NSUN6: variants seen among roughly 807,000 people sequenced by gnomAD.
NSUN6 encodes the protein tRNA (cytosine(72)-C(5))-methyltransferase NSUN6.
Under a neutral mutation model 58.0 loss-of-function variants are expected in NSUN6, and 64 were observed. The ratio of observed to expected loss-of-function variants is 1.10; its 90% CI spans 0.90 to 1.36. The LOEUF is 1.36. Among genes scored for constraint, NSUN6 ranks in the 40% most tolerant of loss-of-function variants. The pLI, the probability that NSUN6 is intolerant of heterozygous loss-of-function variation, is 0.00. For synonymous variants in NSUN6, 231 were observed against 193.9 expected, an observed-to-expected ratio of 1.19 and a Z score of -1.59; for missense variants, 701 against 550.1, an observed-to-expected ratio of 1.27 and a Z score of -2.74.
chr10:18,635,175 CAT>C (rs1355291654), intron 3 of NSUN6, among the ~76,000 whole-genome samples: 1 of 152,186 alleles, frequency 6.6e-6, no homozygotes, highest in East Asian at 1.9e-4. Context: ...AACTATTTTA[CAT>C]GTCACAATTA....
chr10:18,644,316 C>A (rs1047196757), intron 2 of NSUN6, among the ~76,000 whole-genome samples: 3 of 152,086 alleles, frequency 2.0e-5, no homozygotes, highest in Admixed American at 1.3e-4. Flanking sequence ...TGACATGATG[C>A]CAGAAGTAGA....
chr10:18,639,719 G>A (rs2059335182), intron 3 of NSUN6, among the ~76,000 whole-genome samples: 1 of 152,108 alleles, frequency 6.6e-6, no homozygotes, highest in South Asian at 2.1e-4. Flanking sequence ...GGATGATTAA[G>A]GCCATGTAAA....
At chr10:18,588,316 G>A (rs1564765727) in intron 7 of NSUN6, among the ~76,000 whole-genome samples, 3 of 152,228 alleles carry the variant, frequency 2.0e-5, no homozygotes, top group Non-Finnish European at 4.4e-5. Flanking sequence ...GCACCTGGGG[G>A]GAGGGGTGGC....
chr10:18,605,475 A>G (rs1463626256), intron 6 of NSUN6, among the ~76,000 whole-genome samples: 1 of 152,224 alleles, frequency 6.6e-6, no homozygotes, highest in Non-Finnish European at 1.5e-5. Flanking sequence ...CAACTAGCTC[A>G]GGCAAAAATC....
intron 8 of NSUN6, among the ~76,000 whole-genome samples, chr10:18,579,823 A>C (rs2056827015): frequency 6.6e-6 from 1 of 152,158 alleles, no homozygotes. Flanking sequence ...AGTCTGCCTC[A>C]ATAAATCTGC....
At chr10:18,566,471 CTCCATTCCATTCCAT>C (rs775276238) in intron 8 of NSUN6, among the ~76,000 whole-genome samples, 1 of 142,210 alleles carries the variant, frequency 7.0e-6, no homozygotes, top group Non-Finnish European at 1.5e-5. Context: ...CCATTCCATT[CTCCATTCCATTCCAT>C]TCTCCATTCC....
intron 3 of NSUN6, among the ~76,000 whole-genome samples, chr10:18,624,089 GA>G (rs2058703082): frequency 6.6e-6 from 1 of 151,584 alleles, no homozygotes; most frequent in South Asian, 2.1e-4. Flanking sequence ...CAAACAAAAG[GA>G]AAAATAATTC....
intron 4 of NSUN6, among the ~76,000 whole-genome samples, chr10:18,615,754 G>T (rs964979897): frequency 6.6e-6 from 1 of 152,146 alleles, no homozygotes; most frequent in Non-Finnish European, 1.5e-5. Flanking sequence ...AACTTACTAA[G>T]CATATGCAAC....
At chr10:18,584,292 C>A (rs954334934) in intron 8 of NSUN6, among the ~76,000 whole-genome samples, 10 of 152,204 alleles carry the variant, frequency 6.6e-5, no homozygotes, top group Non-Finnish European at 1.3e-4. Flanking sequence ...TCGTTCACTT[C>A]CCCCCTTACC....
In NSUN6 at chr10:18,586,085, A is replaced by G. The variant is rs2131115393; in HGVS notation, c.786T>C (p.Val262=). 3 of 1,576,604 alleles carry G rather than the reference A, an allele frequency of 1.9e-6. No homozygotes were observed. The highest frequency in any genetic ancestry group is 2.6e-6 in the Non-Finnish European group (3 of 1,166,704). ...IAALMHDQGE[V]IALDKIFNKV... ...TGTTGAAGATTTTATCCAGTGCTAT[A>G]ACTTCTCCCTAAAAAGAAACAAAAC... The change falls in exon 8 of 11, where the codon GTT becomes GTC. Residue 262 remains valine, a synonymous_variant. Transcript: ENST00000377304.
chr10:18,562,804 T>A (rs12261349), intron 8 of NSUN6, among the ~76,000 whole-genome samples: 3,872 of 23,134 alleles, frequency 0.17, 89 homozygotes, highest in Middle Eastern at 0.29. Flanking sequence ...GAGTGGAGAA[T>A]GGAATGAAAG....
At chr10:18,635,690 T>G (rs1222206147) in intron 3 of NSUN6, among the ~76,000 whole-genome samples, 3 of 151,244 alleles carry the variant, frequency 2.0e-5, no homozygotes, top group Non-Finnish European at 4.4e-5. Context: ...ATACAAAAAT[T>G]AGCCAGGTAT....
intron 6 of NSUN6, among the ~76,000 whole-genome samples, chr10:18,604,892 T>C (rs1329932308): frequency 6.7e-6 from 1 of 150,086 alleles, no homozygotes; most frequent in Non-Finnish European, 1.5e-5. Flanking sequence ...TCTTTTTTTT[T>C]TTTTTCTTTT....
intron 7 of NSUN6, among the ~76,000 whole-genome samples, chr10:18,591,761 A>C (rs1208129092): frequency 6.6e-6 from 1 of 152,230 alleles, no homozygotes; most frequent in Non-Finnish European, 1.5e-5. Flanking sequence ...AGCCAACATC[A>C]TACCGAATGG....
intron 1 of NSUN6, among the ~76,000 whole-genome samples, chr10:18,650,140 T>C (rs1034556515): frequency 6.6e-6 from 1 of 152,166 alleles, no homozygotes; most frequent in African/African-American, 2.4e-5. Flanking sequence ...GCACTGCCAA[T>C]TGCAAACAAA....
At chr10:18,581,854 C>T (rs1341742909) in intron 8 of NSUN6, among the ~76,000 whole-genome samples, 1 of 152,012 alleles carries the variant, frequency 6.6e-6, no homozygotes, top group Non-Finnish European at 1.5e-5. Context: ...ACCAGCAGCC[C>T]TCAAGGCTGC....
At chr10:18,619,055 T>G (rs916352699) in intron 3 of NSUN6, among the ~76,000 whole-genome samples, 13 of 152,212 alleles carry the variant, frequency 8.5e-5, no homozygotes, top group African/African-American at 3.1e-4. Flanking sequence ...GAGAGGTCTA[T>G]TTGTTAAAAG....
chr10:18,658,672 C>A, upstream of NSUN6: 3 of 983,188 alleles, frequency 3.1e-6, no homozygotes, highest in Non-Finnish European at 3.6e-6. Context: ...CCAGGCCTTC[C>A]ATGGCTCGTC....
At chr10:18,602,988 A>G (rs1296011972) in intron 6 of NSUN6, among the ~76,000 whole-genome samples, 1 of 152,142 alleles carries the variant, frequency 6.6e-6, no homozygotes, top group Non-Finnish European at 1.5e-5. Context: ...CTAGCCTATT[A>G]ATGCTTTTAA....
Sources: allele counts gnomAD v4.1 joint callset (sites outside exome capture counted in the v4.1 genomes callset), GRCh38; gene constraint gnomAD v4.1.1; transcripts MANE v1.5; gene names NCBI Gene and HGNC (gene_info 2026-07-23, HGNC 2026-07-21).